TRHDE: variants seen among roughly 807,000 people sequenced by gnomAD.
TRHDE encodes thyrotropin-releasing hormone-degrading ectoenzyme.
In TRHDE, 72 loss-of-function variants were observed where a neutral mutation model predicts 125.7. The observed-to-expected ratio is 0.57, with a 90% CI of 0.47 to 0.70. TRHDE has a LOEUF of 0.70. Ranked by LOEUF, TRHDE falls within the 30% of genes least tolerant of loss-of-function variation. The pLI is 0.00. For synonymous variants in TRHDE, 509 were observed against 509.1 expected, an observed-to-expected ratio of 1.00 and a Z score of 0.00; for missense variants, 1,110 against 1,327.1, an observed-to-expected ratio of 0.84 and a Z score of 2.54.
intron 6 of TRHDE, among the ~76,000 whole-genome samples, chr12:72,521,918 A>G (rs1260356719): frequency 6.6e-6 from 1 of 152,178 alleles, no homozygotes; most frequent in Non-Finnish European, 1.5e-5. Flanking sequence ...GTTTGAAATG[A>G]GTGTGGTGGT....
chr12:72,419,949 A>G (rs959491005), intron 3 of TRHDE, among the ~76,000 whole-genome samples: 2 of 152,224 alleles, frequency 1.3e-5, no homozygotes, highest in Non-Finnish European at 2.9e-5. Flanking sequence ...AAATGGAGAA[A>G]TGTCTCATTT....
At chr12:72,572,534 T>C (rs1565795080) in intron 10 of TRHDE, among the ~76,000 whole-genome samples, 1 of 152,082 alleles carries the variant, frequency 6.6e-6, no homozygotes, top group Non-Finnish European at 1.5e-5. Context: ...TTTAGGGATA[T>C]AATTAACTAG....
intron 3 of TRHDE, among the ~76,000 whole-genome samples, chr12:72,412,287 A>G (rs1873546297): frequency 6.6e-6 from 1 of 152,186 alleles, no homozygotes; most frequent in African/African-American, 2.4e-5. Flanking sequence ...AAAAGAGGCA[A>G]CTTAAAAGAG....
intron 2 of TRHDE, among the ~76,000 whole-genome samples, chr12:72,352,256 C>A (rs981170009): frequency 9.9e-5 from 15 of 151,472 alleles, no homozygotes; most frequent in African/African-American, 3.6e-4. Flanking sequence ...AAAGATTTGG[C>A]CAGCATTTTC....
intron 5 of TRHDE, among the ~76,000 whole-genome samples, chr12:72,477,841 A>G (rs1363830690): frequency 2.0e-5 from 3 of 152,200 alleles, no homozygotes; most frequent in Admixed American, 6.5e-5. Flanking sequence ...CATAGGTGTC[A>G]TTATAATTTG....
chr12:72,536,961 C>T (rs918663606), intron 6 of TRHDE, among the ~76,000 whole-genome samples: 1 of 151,862 alleles, frequency 6.6e-6, no homozygotes, highest in African/African-American at 2.4e-5. Context: ...CTTGCTATAC[C>T]CCATGTTTCT....
intron 15 of TRHDE, 59 bp downstream of exon 15, chr12:72,621,810 G>GT: frequency 8.0e-7 from 1 of 1,249,280 alleles, no homozygotes. Context: ...CAGAGTCTCA[G>GT]TGGATGCATT....
At chr12:72,379,092 T>C (rs558520596) in intron 3 of TRHDE, among the ~76,000 whole-genome samples, 14 of 152,298 alleles carry the variant, frequency 9.2e-5, no homozygotes, top group African/African-American at 3.4e-4. Context: ...ATAAAGTGCT[T>C]ACTTGATCAA....
At chr12:72,139,845 T>C (rs1876072277) in intron 2 of TRHDE, among the ~76,000 whole-genome samples, 1 of 152,182 alleles carries the variant, frequency 6.6e-6, no homozygotes, top group Admixed American at 6.5e-5. Flanking sequence ...CTGGTCATGA[T>C]GGGAATGAGT....
At chr12:72,308,727 A>G (rs1389118160) in intron 2 of TRHDE, among the ~76,000 whole-genome samples, 1 of 152,156 alleles carries the variant, frequency 6.6e-6, no homozygotes, top group Middle Eastern at 3.2e-3. Context: ...TATTGTTTCT[A>G]TCTATTTTTC....
intron 15 of TRHDE, among the ~76,000 whole-genome samples, chr12:72,639,595 C>T (rs1308950602): frequency 1.3e-5 from 2 of 152,046 alleles, no homozygotes. Context: ...TTAGAGTTTC[C>T]AGTTTTTCTG....
intron 2 of TRHDE, among the ~76,000 whole-genome samples, chr12:72,371,374 G>A (rs1278925900): frequency 1.1e-4 from 16 of 150,208 alleles, no homozygotes; most frequent in Non-Finnish European, 1.5e-5. Flanking sequence ...CACAAAACTG[G>A]CTTTTATTTA....
chr12:72,098,873 A>C lies in TRHDE; in HGVS notation n.175-6775A>C, dbSNP rs115003778. On this transcript the variant is annotated intron_variant and non_coding_transcript_variant, in intron 1 of 4. Coordinates refer to the TRHDE transcript ENST00000548156. Reference sequence around the variant, plus strand: ...CAAAACCCACAGAATTGTAAGAAAGAATAAATCACTGTCTGGGCTTCGTGG... The same window carrying C: ...CAAAACCCACAGAATTGTAAGAAAGCATAAATCACTGTCTGGGCTTCGTGG... Among the ~76,000 whole-genome samples the C allele has an allele frequency of 6.8e-3, 1,043 of 152,328 alleles. 12 individuals are homozygous for C. Among genetic ancestry groups the C allele is most frequent in the African/African-American group, 0.024 (982 of 41,564 alleles).
intron 2 of TRHDE, among the ~76,000 whole-genome samples, chr12:72,144,207 CT>C (rs1876177372): frequency 6.6e-6 from 1 of 152,126 alleles, no homozygotes; most frequent in South Asian, 2.1e-4. Flanking sequence ...AAGAGGTTGA[CT>C]TTTTAGGGGC....
At chr12:72,096,614 C>T (rs1209348975) in intron 1 of TRHDE, among the ~76,000 whole-genome samples, 1 of 152,210 alleles carries the variant, frequency 6.6e-6, no homozygotes, top group Non-Finnish European at 1.5e-5. Context: ...TCTGTCCAGT[C>T]CTCCATCTTG....
At chr12:72,612,601 G>A (rs974690653) in intron 12 of TRHDE, among the ~76,000 whole-genome samples, 2 of 152,036 alleles carry the variant, frequency 1.3e-5, no homozygotes, top group African/African-American at 4.8e-5. Context: ...TCAAAATAAT[G>A]GGCATAATAG....
At chr12:72,342,041 G>GT (rs767959169) in intron 2 of TRHDE, among the ~76,000 whole-genome samples, 49 of 151,696 alleles carry the variant, frequency 3.2e-4, no homozygotes, top group Non-Finnish European at 6.8e-4. Context: ...ACAAATATGA[G>GT]TAAAAAAAAA....
At chr12:72,155,276 A>G (rs1876477066) in intron 2 of TRHDE, among the ~76,000 whole-genome samples, 1 of 151,962 alleles carries the variant, frequency 6.6e-6, no homozygotes, top group Non-Finnish European at 1.5e-5. Context: ...TGCATTGGTT[A>G]TTCTAGTTAG....
intron 2 of TRHDE, among the ~76,000 whole-genome samples, chr12:72,174,544 C>T (rs1489116467): frequency 6.6e-6 from 1 of 152,172 alleles, no homozygotes; most frequent in East Asian, 1.9e-4. Context: ...TTAGCTGTCA[C>T]ATCTCTTTCA....
Sources: allele counts gnomAD v4.1 joint callset (sites outside exome capture counted in the v4.1 genomes callset), GRCh38; gene constraint gnomAD v4.1.1; transcripts MANE v1.5; gene names NCBI Gene and HGNC (gene_info 2026-07-23, HGNC 2026-07-21).